PTPRD: variants seen among roughly 807,000 people sequenced by gnomAD.
PTPRD encodes receptor-type tyrosine-protein phosphatase delta.
In PTPRD, 34 loss-of-function variants were observed where a neutral mutation model predicts 214.5. That is an observed-to-expected ratio of 0.16 (90% CI 0.12 to 0.21). The LOEUF (loss-of-function observed/expected upper bound fraction) is 0.21, where lower values mean the gene tolerates loss of function less well. PTPRD is among the 10% of genes least tolerant of loss of function. The probability of loss-of-function intolerance (pLI) is 1.00; values close to 1 mark genes in which losing one functional copy is unlikely to be tolerated. For missense variants in PTPRD, 2,545 were observed against 2,398.7 expected (o/e 1.06, Z -1.27); for synonymous variants, 1,128 against 845.7 (o/e 1.33, Z -5.79).
chr9:9,532,178 C>T (rs2075624417), intron 8 of PTPRD, among the ~76,000 whole-genome samples: 1 of 152,022 alleles, frequency 6.6e-6, no homozygotes, highest in Non-Finnish European at 1.5e-5. Context: ...GTGAATGTGA[C>T]TCAGAGTGAG....
At chr9:9,869,349 A>T (rs1298741025) in intron 5 of PTPRD, among the ~76,000 whole-genome samples, 2 of 152,160 alleles carry the variant, frequency 1.3e-5, no homozygotes, top group Non-Finnish European at 2.9e-5. Flanking sequence ...TGGTTAGACC[A>T]TGATTATTAA....
intron 2 of PTPRD, among the ~76,000 whole-genome samples, chr9:10,514,540 TA>T (rs1447846565): frequency 6.6e-6 from 1 of 151,920 alleles, no homozygotes; most frequent in Non-Finnish European, 1.5e-5. Context: ...TTTATTGCAG[TA>T]AATATTCAAA....
intron 5 of PTPRD, among the ~76,000 whole-genome samples, chr9:9,837,311 A>G (rs1214892901): frequency 6.6e-6 from 1 of 152,148 alleles, no homozygotes; most frequent in Non-Finnish European, 1.5e-5. Flanking sequence ...AGGATGGTTT[A>G]ATGAGAGATA....
intron 8 of PTPRD, among the ~76,000 whole-genome samples, chr9:9,508,042 A>T (rs574266519): frequency 1.3e-5 from 2 of 151,552 alleles, no homozygotes; most frequent in African/African-American, 4.8e-5. Flanking sequence ...AATTGATTAC[A>T]CATAATTTAT....
intron 3 of PTPRD, among the ~76,000 whole-genome samples, chr9:10,144,996 C>T (rs944680007): frequency 6.6e-5 from 10 of 151,814 alleles, no homozygotes; most frequent in African/African-American, 2.4e-4. Context: ...AATATAAAGT[C>T]TCCTCCTTTA....
chr9:9,339,960 T>A (rs1256021372), intron 9 of PTPRD, among the ~76,000 whole-genome samples: 1 of 152,170 alleles, frequency 6.6e-6, no homozygotes, highest in African/African-American at 2.4e-5. Context: ...CCTTTTATCA[T>A]TCAGCAGCAA....
At chr9:9,664,211 G>A (rs1012163903) in intron 7 of PTPRD, among the ~76,000 whole-genome samples, 2 of 151,092 alleles carry the variant, frequency 1.3e-5, no homozygotes, top group Middle Eastern at 3.2e-3. Flanking sequence ...TAAAAACCAG[G>A]TATGGGTTCT....
At chr9:9,353,849 T>A (rs1005158557) in intron 9 of PTPRD, among the ~76,000 whole-genome samples, 2 of 151,910 alleles carry the variant, frequency 1.3e-5, no homozygotes, top group African/African-American at 4.8e-5. Flanking sequence ...TGGGTCTCTC[T>A]TCCTCAGCTA....
In PTPRD at chr9:10,336,198, A is replaced by G. The variant is rs371443458; in HGVS notation, c.-545+4765T>C. Among the ~76,000 whole-genome samples, 125 of 151,904 alleles carry G rather than the reference A, an allele frequency of 8.2e-4. 3 individuals carry two copies. In the South Asian group the frequency reaches 0.022, roughly 26 times the overall value. ...CTTCTAATTAATAAATGTGAATACT[A>G]AAATAAGTGAAAGACTTAAGTCTTT... On this transcript the variant is annotated intron_variant, in intron 3 of 45. Transcript: ENST00000381196.
intron 11 of PTPRD, among the ~76,000 whole-genome samples, chr9:8,808,049 G>A (rs183946045): frequency 3.2e-4 from 49 of 152,196 alleles, no homozygotes; most frequent in Admixed American, 6.5e-4. Context: ...TTTGCACAAG[G>A]TCATGAAAGT....
chr9:8,874,978 G>A (rs1191029613), intron 11 of PTPRD, among the ~76,000 whole-genome samples: 1 of 152,136 alleles, frequency 6.6e-6, no homozygotes, highest in African/African-American at 2.4e-5. Flanking sequence ...GAGCAAGGGA[G>A]GCATAGAAGA....
chr9:9,537,808 G>C (rs926387282), intron 8 of PTPRD, among the ~76,000 whole-genome samples: 2 of 151,672 alleles, frequency 1.3e-5, no homozygotes, highest in African/African-American at 2.4e-5. Context: ...ATATAACTAA[G>C]CTTTTACCCT....
intron 2 of PTPRD, among the ~76,000 whole-genome samples, chr9:10,505,270 C>T (rs1236568989): frequency 6.6e-6 from 1 of 151,996 alleles, no homozygotes; most frequent in Non-Finnish European, 1.5e-5. Flanking sequence ...GACAGTATTC[C>T]CAAAGAGAGG....
intron 3 of PTPRD, among the ~76,000 whole-genome samples, chr9:10,309,446 G>A (rs1252895124): frequency 1.3e-5 from 2 of 151,556 alleles, no homozygotes; most frequent in South Asian, 4.2e-4. Context: ...TCCCCTTCCC[G>A]GGTTCAATCG....
intron 6 of PTPRD, among the ~76,000 whole-genome samples, chr9:9,754,559 A>C (rs2098551070): frequency 6.6e-6 from 1 of 152,088 alleles, no homozygotes; most frequent in Admixed American, 6.6e-5. Context: ...GAGACATTTT[A>C]TTAACAAACA....
intron 7 of PTPRD, among the ~76,000 whole-genome samples, chr9:9,578,040 T>A (rs622046): frequency 8.2e-6 from 1 of 122,514 alleles, no homozygotes; most frequent in Admixed American, 8.9e-5. Flanking sequence ...AGTAAGACTC[T>A]GTCTCAAAAA....
At chr9:8,566,959 A>C (rs2089486187) in intron 14 of PTPRD, among the ~76,000 whole-genome samples, 3 of 152,098 alleles carry the variant, frequency 2.0e-5, no homozygotes, top group African/African-American at 4.8e-5. Flanking sequence ...TTATCACCTG[A>C]AATACCCTTT....
intron 10 of PTPRD, among the ~76,000 whole-genome samples, chr9:9,034,091 G>A (rs940257014): frequency 1.3e-5 from 2 of 152,066 alleles, no homozygotes; most frequent in Non-Finnish European, 2.9e-5. Flanking sequence ...GAAGCAAATG[G>A]AATTTTATTT....
chr9:10,198,616 G>A (rs951927169), intron 3 of PTPRD, among the ~76,000 whole-genome samples: 2 of 152,058 alleles, frequency 1.3e-5, no homozygotes, highest in Non-Finnish European at 2.9e-5. Context: ...ACATTGAAAG[G>A]ATAAAATGAA....
Sources: gnomAD v4.1 joint callset for allele counts (sites outside exome capture counted in the v4.1 genomes callset) on GRCh38, gnomAD v4.1.1 for gene constraint, MANE v1.5 for transcripts, NCBI Gene and HGNC (gene_info 2026-07-23, HGNC 2026-07-21) for gene names.